PCDHGA3: variants seen among roughly 807,000 people sequenced by gnomAD.
PCDHGA3 encodes the protein protocadherin gamma-A3.
PCDHGA3 carries 40 observed loss-of-function variants against 58.5 expected under a neutral mutation model. The ratio of observed to expected loss-of-function variants is 0.68; its 90% CI spans 0.53 to 0.89. PCDHGA3 has a LOEUF of 0.89. Ranked by LOEUF, PCDHGA3 falls within the 40% of genes least tolerant of loss-of-function variation. The probability of loss-of-function intolerance (pLI) is 0.00; values close to 1 mark genes in which losing one functional copy is unlikely to be tolerated. For missense variants in PCDHGA3, 1,223 were observed against 1,195.9 expected, an observed-to-expected ratio of 1.02 and a Z score of -0.33; for synonymous variants, 530 against 525.7, an observed-to-expected ratio of 1.01 and a Z score of -0.11.
Position 141,489,492 on chromosome 5 carries a change from G to C in PCDHGA3, c.2425-5315G>C. On this transcript the variant is annotated intron_variant, in intron 1 of 3. Coordinates refer to ENST00000253812, the MANE Select transcript of PCDHGA3 (RefSeq NM_018916.4). This position sits in a 1 kb window ranked among gnomAD's most constrained non-coding sequence, Gnocchi z 4.5. The stretch of plus-strand genomic sequence containing the variant: ...CCCTGAGCTTGATGAGTGGTGCCCT[G>C]GCAGTGAATCAAAAGATTGACCGAG... The C allele has an allele frequency of 6.2e-7, 1 of 1,614,042 alleles. No homozygotes were observed. The highest frequency in any genetic ancestry group is 8.5e-7 in the Non-Finnish European group (1 of 1,180,034).
At chr5:141,435,004 A>G (rs1481428383) in intron 1 of PCDHGA3, among the ~76,000 whole-genome samples, 1 of 152,096 alleles carries the variant, frequency 6.6e-6, no homozygotes, top group Non-Finnish European at 1.5e-5. Flanking sequence ...AGCTGAATTT[A>G]TCAATGATAA....
intron 1 of PCDHGA3, chr5:141,415,000 T>G: frequency 6.2e-7 from 1 of 1,613,660 alleles, no homozygotes; most frequent in Non-Finnish European, 8.5e-7. Context: ...CGCCTGGCTG[T>G]CCTACCGTCT....
chr5:141,478,826 G>A, intron 1 of PCDHGA3: 2 of 1,439,244 alleles, frequency 1.4e-6, no homozygotes, highest in Non-Finnish European at 1.8e-6. Context: ...AACCAATCTT[G>A]CTAAGGGATG....
intron 1 of PCDHGA3, chr5:141,360,718 A>G: frequency 6.2e-7 from 1 of 1,613,968 alleles, no homozygotes; most frequent in Non-Finnish European, 8.5e-7. Flanking sequence ...TCCTGAGTTG[A>G]TTCTAAAACA....
At chr5:141,426,919 C>A (rs1220443930) in intron 1 of PCDHGA3, 3 of 456,620 alleles carry the variant, frequency 6.6e-6, no homozygotes, top group African/African-American at 6.0e-5. Context: ...GTCCTGGAAG[C>A]AATGGACATG....
Position 141,414,407 on chromosome 5 carries a change from A to T in PCDHGA3, c.2424+67950A>T, listed in dbSNP as rs181582338. On this transcript the variant is annotated intron_variant, in intron 1 of 3. Transcript: ENST00000253812. ...GACAGTTATTACAGATTGGTGATACACAGAGCCCTTGACAGGGAACAGGTA... is the reference window on the plus strand; with the variant it reads ...GACAGTTATTACAGATTGGTGATACTCAGAGCCCTTGACAGGGAACAGGTA... 96 of 1,613,912 alleles carry T rather than the reference A, an allele frequency of 5.9e-5. No individual in the cohort carries two copies. In the East Asian group the frequency reaches 1.5e-3, roughly 25 times the overall value.
chr5:141,492,037 C>A (rs556842734), intron 1 of PCDHGA3: 94 of 538,798 alleles, frequency 1.7e-4, no homozygotes, highest in Non-Finnish European at 2.5e-4. Flanking sequence ...AGGAGGCAGT[C>A]ACAGATCCAC....
In PCDHGA3 at chr5:141,345,612, G is replaced by A. The variant is rs770695271; in HGVS notation, c.1579G>A (p.Asp527Asn). 4 of 1,614,054 alleles carry A rather than the reference G, an allele frequency of 2.5e-6. No homozygotes were observed. Among genetic ancestry groups the A allele is most frequent in the Non-Finnish European group, 3.4e-6 (4 of 1,180,048 alleles). ...ATCCTTCGACTACGAGCAATTTAGAGACTTAAAGCTACTGGTGACAGCCAG... is the reference window on the plus strand; with the variant it reads ...ATCCTTCGACTACGAGCAATTTAGAAACTTAAAGCTACTGGTGACAGCCAG... ...LRSFDYEQFR[D>N]LKLLVTASDS... The change falls in exon 1 of 4, where the codon GAC becomes AAC. Residue 527 changes from aspartate (D) to asparagine (N), a missense_variant. By Grantham distance (23) the Asp-to-Asn change is conservative. Around this residue, in one of 3 missense-constraint regions of PCDHGA3, gnomAD observed 791 missense variants for 708.5 expected, o/e 1.12. Coordinates refer to ENST00000253812, the MANE Select transcript of PCDHGA3 (RefSeq NM_018916.4).
intron 1 of PCDHGA3, chr5:141,376,901 A>G: frequency 5.2e-6 from 1 of 191,460 alleles, no homozygotes. Context: ...GTTAGCCAGG[A>G]TGGTCTCGAT....
chr5:141,397,809 A>G lies in PCDHGA3; in HGVS notation c.2424+51352A>G, dbSNP rs116170608. Among the ~76,000 whole-genome samples, 1,507 of 152,354 alleles carry G rather than the reference A, an allele frequency of 9.9e-3. 33 individuals carry two copies. Among genetic ancestry groups the G allele is most frequent in the African/African-American group, 0.034 (1,415 of 41,586 alleles). ...ACTTGGCTTGTTAAGTTAGGCACACAAAAACAATTACTGCACTGGTTAACT... is the reference window on the plus strand; with the variant it reads ...ACTTGGCTTGTTAAGTTAGGCACACGAAAACAATTACTGCACTGGTTAACT... On this transcript the variant is annotated intron_variant, in intron 1 of 3. Coordinates refer to ENST00000253812, the MANE Select transcript of PCDHGA3 (RefSeq NM_018916.4).
intron 1 of PCDHGA3, chr5:141,420,927 G>A (rs1257204379): frequency 2.8e-6 from 1 of 362,530 alleles, no homozygotes; most frequent in Non-Finnish European, 5.0e-6. Context: ...ACAAAGGTGA[G>A]CGTAATCATT....
intron 1 of PCDHGA3, chr5:141,394,113 A>G: frequency 6.2e-7 from 1 of 1,613,950 alleles, no homozygotes; most frequent in Non-Finnish European, 8.5e-7. Flanking sequence ...ACCTCTGTCC[A>G]CTGAAACTCA....
At chr5:141,430,771 G>A (rs772862341) in intron 1 of PCDHGA3, 37 of 1,506,734 alleles carry the variant, frequency 2.5e-5, no homozygotes, top group Non-Finnish European at 2.7e-5. Flanking sequence ...TGATTCCTGC[G>A]CGACTGCACC....
At chr5:141,448,999 G>GT (rs910018882) in intron 1 of PCDHGA3, among the ~76,000 whole-genome samples, 19 of 151,698 alleles carry the variant, frequency 1.3e-4, no homozygotes, top group South Asian at 2.1e-4. Flanking sequence ...ATAGAAAGCT[G>GT]TTTTTTTTAA....
chr5:141,492,859 C>T (rs966216924), intron 1 of PCDHGA3, among the ~76,000 whole-genome samples: 1 of 152,232 alleles, frequency 6.6e-6, no homozygotes, highest in Non-Finnish European at 1.5e-5. Flanking sequence ...CTCGAGCGCC[C>T]TGGCTCTCAA....
rs188827871 is a variant in PCDHGA3, at chr5:141,405,107, T to G, written c.2424+58650T>G. 137 of 1,613,998 alleles carry G rather than the reference T, an allele frequency of 8.5e-5. No homozygotes were observed. The Middle Eastern group carries it at 1.3e-3, about 16-fold the overall frequency. On this transcript the variant is annotated intron_variant, in intron 1 of 3. Coordinates refer to ENST00000253812, the MANE Select transcript of PCDHGA3 (RefSeq NM_018916.4). ...GCTGCTGGCCCTCAGGCTGAGGCAC[T>G]GGCACTCCTCGCATCTGCTGCGGGC...
chr5:141,409,907 C>T (rs1370065492), intron 1 of PCDHGA3: 1 of 1,613,294 alleles, frequency 6.2e-7, no homozygotes, highest in East Asian at 2.2e-5. Flanking sequence ...AGCTCTGGGT[C>T]CTGACGGCTC....
Position 141,346,219 on chromosome 5 carries a change from G to A in PCDHGA3, c.2186G>A (p.Gly729Glu). ...WHKSRLLQASGGGLASTPGSH... is the reference protein window; with the variant it reads ...WHKSRLLQASEGGLASTPGSH... ...AAGTCACGCCTGCTGCAGGCTTCGG[G>A]AGGCGGCTTGGCGAGTACGCCCGGC... The change falls in exon 1 of 4, where the codon GGA becomes GAA. Residue 729 changes from glycine (G) to glutamate (E), a missense_variant. Gly to Glu is a moderately conservative substitution (Grantham distance 98). Coordinates refer to ENST00000253812, the MANE Select transcript of PCDHGA3 (RefSeq NM_018916.4). 2.5e-6 allele frequency: 4 copies of A among 1,614,202 alleles called. No individual in the cohort carries two copies. Among genetic ancestry groups the A allele is most frequent in the South Asian group, 1.1e-5 (1 of 91,084 alleles).
chr5:141,433,358 C>CCTATCTAT (rs3074541), intron 1 of PCDHGA3: 29,853 of 503,480 alleles, frequency 0.059, 1,017 homozygotes, highest in East Asian at 0.071. Context: ...CTACTGTCTG[C>CCTATCTAT]CTATCTATCT....
Sources: gnomAD v4.1 joint callset for allele counts (sites outside exome capture counted in the v4.1 genomes callset) on GRCh38, gnomAD v4.1.1 for gene constraint, gnomAD v4.1.1 regional missense constraint, Gnocchi (gnomAD v3.1) non-coding constraint, MANE v1.5 for transcripts, NCBI Gene and HGNC (gene_info 2026-07-23, HGNC 2026-07-21) for gene names.